Variants in GLIS3 observed in about 807,000 individuals in gnomAD.
The protein encoded by GLIS3 is zinc finger protein GLIS3.
In GLIS3, 53 loss-of-function variants were observed where a neutral mutation model predicts 78.6. That is an observed-to-expected ratio of 0.67 (90% CI 0.54 to 0.85). GLIS3 has a LOEUF of 0.85. Among genes scored for constraint, GLIS3 ranks in the 40% least tolerant of loss-of-function variants. GLIS3 has a pLI of 0.00. For synonymous variants in GLIS3, 684 were observed against 509.9 expected (o/e 1.34, Z -4.60); for missense variants, 1,703 against 1,231.1 (o/e 1.38, Z -5.74).
At chr9:4,361,944 G>C in the GLIS3 span, among the ~76,000 whole-genome samples, 1 of 152,150 alleles carries the variant, frequency 6.6e-6, no homozygotes, top group African/African-American at 2.4e-5. Context: ...TCATCCAAAA[G>C]AAAGAAAATA....
chr9:4,278,526 T>A (rs539663026), intron 2 of GLIS3, among the ~76,000 whole-genome samples: 26 of 152,224 alleles, frequency 1.7e-4, no homozygotes, highest in African/African-American at 6.0e-4. Context: ...TAATGAATTC[T>A]AACAGAATAA....
At chr9:3,917,817 T>C (rs1247733006) in intron 6 of GLIS3, among the ~76,000 whole-genome samples, 1 of 152,120 alleles carries the variant, frequency 6.6e-6, no homozygotes, top group Non-Finnish European at 1.5e-5. Flanking sequence ...TCCTTGAAAA[T>C]TGGTAATTGA....
intron 2 of GLIS3, among the ~76,000 whole-genome samples, chr9:4,217,065 G>C (rs983427531): frequency 6.6e-5 from 10 of 152,168 alleles, no homozygotes; most frequent in African/African-American, 1.9e-4. Flanking sequence ...GTTAACTCCA[G>C]TTTGTATTTG....
chr9:4,174,517 A>G (rs893523615), intron 2 of GLIS3, among the ~76,000 whole-genome samples: 1 of 152,258 alleles, frequency 6.6e-6, no homozygotes, highest in African/African-American at 2.4e-5. Context: ...AGGATCATCA[A>G]AAGAAAAAGA....
In GLIS3 at chr9:4,061,007, G is replaced by A. The variant is rs180682812; in HGVS notation, c.1710+56761C>T. On this transcript the variant is annotated intron_variant, in intron 4 of 10. Transcript: ENST00000381971. ...ATCTCTTGCATGCTTCCAATACCCCGTTCTTCTGGTTCAGTTACACTTCTG... is the reference window on the plus strand; with the variant it reads ...ATCTCTTGCATGCTTCCAATACCCCATTCTTCTGGTTCAGTTACACTTCTG... 9.3e-5 allele frequency among the ~76,000 whole-genome samples: 14 copies of A among 151,344 alleles called. No individual in the cohort carries two copies. The East Asian group carries it at 1.4e-3, about 15-fold the overall frequency.
chr9:3,935,549 A>G (rs1326153761), intron 5 of GLIS3, among the ~76,000 whole-genome samples: 1 of 152,218 alleles, frequency 6.6e-6, no homozygotes, highest in African/African-American at 2.4e-5. Flanking sequence ...GCCTCGCAAC[A>G]GTTCTTGCAA....
chr9:4,472,286 T>A, the GLIS3 span, among the ~76,000 whole-genome samples: 6 of 152,236 alleles, frequency 3.9e-5, no homozygotes, highest in Admixed American at 1.3e-4. Context: ...TAAATCATGC[T>A]ACTATAAAGA....
At position 4,291,044 on chromosome 9, in the gene GLIS3, A is replaced by G. The variant is rs150637345; in HGVS notation, c.-98-4521T>C. Among the ~76,000 whole-genome samples, 475 of 152,252 alleles carry G rather than the reference A, an allele frequency of 3.1e-3. 1 individual carries two copies. Among genetic ancestry groups the G allele is most frequent in the African/African-American group, 0.011 (459 of 41,572 alleles). ...CCGAAGTTACACAGAAACAGAACTG[A>G]GATAATTCCTCATTATTGAAATGTG... On this transcript the variant is annotated intron_variant, in intron 1 of 10. Coordinates refer to ENST00000381971, the MANE Select transcript of GLIS3 (RefSeq NM_001042413.2).
In GLIS3 at chr9:3,837,818, T is replaced by C. The variant is rs1818446602; in HGVS notation, c.2474-8326A>G. On this transcript the variant is annotated intron_variant, in intron 9 of 10. Coordinates refer to ENST00000381971, the MANE Select transcript of GLIS3 (RefSeq NM_001042413.2). ...GTAGCGAAGCTATTCCGTATGATGC[T>C]ACCATGGTGGATAGATGCCATTATA... Among the ~76,000 whole-genome samples the C allele has an allele frequency of 4.6e-5, 7 of 152,340 alleles. No homozygotes were observed. In the South Asian group the frequency reaches 1.2e-3, roughly 27 times the overall value.
chr9:4,228,576 G>C (rs1289092581), intron 2 of GLIS3, among the ~76,000 whole-genome samples: 1 of 152,120 alleles, frequency 6.6e-6, no homozygotes, highest in Non-Finnish European at 1.5e-5. Flanking sequence ...ATACAGCCAG[G>C]GCAAGGGAAG....
chr9:3,959,796 C>T (rs1197184667), intron 4 of GLIS3, among the ~76,000 whole-genome samples: 1 of 152,146 alleles, frequency 6.6e-6, no homozygotes, highest in East Asian at 1.9e-4. Context: ...CCAGAGGTAA[C>T]CAAATTAAAA....
At chr9:3,833,824 G>C (rs1818189288) in intron 9 of GLIS3, among the ~76,000 whole-genome samples, 1 of 152,186 alleles carries the variant, frequency 6.6e-6, no homozygotes, top group Non-Finnish European at 1.5e-5. Flanking sequence ...GGAGGAACTT[G>C]CAGATAAATG....
At chr9:4,030,451 C>A (rs1823736812) in intron 4 of GLIS3, among the ~76,000 whole-genome samples, 1 of 152,144 alleles carries the variant, frequency 6.6e-6, no homozygotes, top group South Asian at 2.1e-4. Flanking sequence ...GATGTGATCT[C>A]ATTTGTCCAT....
chr9:4,011,970 G>A lies in GLIS3; in HGVS notation c.1711-74781C>T, dbSNP rs1401661687. Among the ~76,000 whole-genome samples, 42 of 152,116 alleles carry A rather than the reference G, an allele frequency of 2.8e-4. 2 individuals are homozygous for A. The highest frequency in any genetic ancestry group is 2.8e-3 in the Admixed American group (42 of 15,268). The stretch of plus-strand genomic sequence containing the variant: ...ACTTTTGGCATCAGAAGTCAGAAAG[G>A]TGACAGGGGAGGGGGAGGTATTAGA... On this transcript the variant is annotated intron_variant, in intron 4 of 10. Coordinates refer to ENST00000381971, the MANE Select transcript of GLIS3 (RefSeq NM_001042413.2).
intron 2 of GLIS3, among the ~76,000 whole-genome samples, chr9:4,206,088 T>C (rs974726854): frequency 7.9e-5 from 12 of 152,192 alleles, no homozygotes; most frequent in African/African-American, 2.7e-4. Context: ...ATATAAGTGG[T>C]ACAAGATCCC....
chr9:3,935,723 C>A (rs939444713), intron 5 of GLIS3, among the ~76,000 whole-genome samples: 1 of 151,504 alleles, frequency 6.6e-6, no homozygotes, highest in Non-Finnish European at 1.5e-5. Flanking sequence ...ACAATTTATT[C>A]TTTTTTTTTC....
At chr9:4,092,571 G>C (rs1829612959) in intron 4 of GLIS3, among the ~76,000 whole-genome samples, 1 of 151,994 alleles carries the variant, frequency 6.6e-6, no homozygotes, top group African/African-American at 2.4e-5. Context: ...TGAAAAGTAA[G>C]ACATGAATAC....
chr9:4,424,637 C>T, the GLIS3 span, among the ~76,000 whole-genome samples: 2 of 152,200 alleles, frequency 1.3e-5, no homozygotes, highest in African/African-American at 2.4e-5. Flanking sequence ...GATCACACCT[C>T]ACTACAGCCT....
At chr9:3,928,843 G>A (rs1433138210) in intron 6 of GLIS3, among the ~76,000 whole-genome samples, 1 of 152,174 alleles carries the variant, frequency 6.6e-6, no homozygotes, top group Non-Finnish European at 1.5e-5. Flanking sequence ...GAATCTTTGT[G>A]GAAGTGTGAA....
Sources: gnomAD v4.1 joint callset for allele counts (sites outside exome capture counted in the v4.1 genomes callset) on GRCh38, gnomAD v4.1.1 for gene constraint, MANE v1.5 for transcripts, NCBI Gene and HGNC (gene_info 2026-07-23, HGNC 2026-07-21) for gene names.